The following APLF variants were observed in gnomAD, a reference collection of about 807,000 sequenced individuals.
The protein encoded by APLF is aprataxin and PNKP like factor, also known as aprataxin and PNK-like factor.
A neutral mutation model predicts 55.6 loss-of-function variants in APLF; 61 were observed. That is an observed-to-expected ratio of 1.10 (90% CI 0.89 to 1.36). APLF has a LOEUF of 1.36. Ranked by LOEUF, APLF falls within the 40% of genes most tolerant of loss-of-function variation. APLF has a pLI of 0.00. For synonymous variants in APLF, 207 were observed against 214.8 expected (o/e 0.96, Z 0.32); for missense variants, 611 against 602.5 (o/e 1.01, Z -0.15).
chr2:68,528,927 T>A lies in APLF; in HGVS notation c.804+2685T>A. The A allele has an allele frequency of 3.9e-6, 6 of 1,521,636 alleles. No individual in the cohort carries two copies. The South Asian group carries it at 7.2e-5, about 18-fold the overall frequency. 94.3% of individuals were successfully genotyped at this position (1,521,636 alleles called of 1,614,324 possible). A position where few individuals can be genotyped will look rare whatever the true frequency, so the allele number is the denominator to read the frequency against. On this transcript the variant is annotated intron_variant, in intron 6 of 9. Transcript: ENST00000303795. ...GAGGTGGAGGCTGCTTCCCCATTGC[T>A]ACAGGGGCCCCTTTTATTGTCCTCC...
chr2:68,500,277 C>T (rs1324118064), intron 2 of APLF, among the ~76,000 whole-genome samples: 2 of 152,098 alleles, frequency 1.3e-5, no homozygotes, highest in African/African-American at 4.8e-5. Flanking sequence ...TTTGGAATCT[C>T]CTGTATTAAC....
Position 68,502,907 on chromosome 2 carries a change from A to T in APLF, c.341+4A>T, listed in dbSNP as rs748785472. ...TGGAAATGCAATGTACCTTAAGGTA[A>T]GTGCCTGATGAAATGAGAGTAAGAA... On this transcript the variant is annotated splice_donor_region_variant and intron_variant, in intron 3 of 9. Transcript: ENST00000303795. 6.3e-7 allele frequency: 1 copy of T among 1,597,066 alleles called. No individual in the cohort carries two copies. Among genetic ancestry groups the T allele is most frequent in the Admixed American group, 1.8e-5 (1 of 55,690 alleles).
intron 6 of APLF, chr2:68,528,236 C>T: frequency 8.3e-7 from 1 of 1,211,792 alleles, no homozygotes; most frequent in South Asian, 1.3e-5. Flanking sequence ...GCCACCATGC[C>T]TGCCCTGCTG....
Position 68,467,612 on chromosome 2 carries a change from C to G in APLF, c.-120C>G, listed in dbSNP as rs529716180. 5 of 833,918 alleles carry G rather than the reference C, an allele frequency of 6.0e-6. No homozygotes were observed. Among genetic ancestry groups the G allele is most frequent in the East Asian group, 6.7e-5 (2 of 29,864 alleles). 51.7% of individuals were successfully genotyped at this position (833,918 alleles called of 1,614,324 possible). ...GAGGACCGGCGCAGCCGCGGGGAGC[C>G]TTTGAGGCCCTCCCTCGGTGTTTTT... On this transcript the variant is annotated 5_prime_UTR_variant, in exon 1 of 10. Transcript: ENST00000303795.
At chr2:68,536,095 A>G (rs548111997) in intron 6 of APLF, among the ~76,000 whole-genome samples, 5 of 152,302 alleles carry the variant, frequency 3.3e-5, no homozygotes, top group South Asian at 4.1e-4. Flanking sequence ...GGATTGCCCA[A>G]TTCTCACTCG....
chr2:68,534,791 C>T lies in APLF; in HGVS notation c.805-3081C>T, dbSNP rs187468315. Among the ~76,000 whole-genome samples the T allele has an allele frequency of 2.0e-5, 3 of 152,298 alleles. No homozygotes were observed. The East Asian group carries it at 5.8e-4, about 29-fold the overall frequency. ...CTCTCTGCCTTTCTCCTACTTCTTC[C>T]AAGTACAGAGCAACTTCCATGTTTC... is the stretch of plus-strand genomic sequence containing the variant. On this transcript the variant is annotated intron_variant, in intron 6 of 9. Transcript: ENST00000303795.
Position 68,529,750 on chromosome 2 carries a change from C to T in APLF, c.804+3508C>T, listed in dbSNP as rs1486739912. 2.0e-5 allele frequency: 3 copies of T among 153,300 alleles called. No homozygotes were observed. The highest frequency in any genetic ancestry group is 4.4e-5 in the Non-Finnish European group (3 of 68,960). The allele number at this position is 153,300 out of a possible 1,614,324, so 9.5% of individuals were successfully genotyped here. On this transcript the variant is annotated intron_variant, in intron 6 of 9. Coordinates refer to ENST00000303795, the MANE Select transcript of APLF (RefSeq NM_173545.3). The surrounding 1 kb of genome is among the most constrained non-coding windows in gnomAD (Gnocchi z 4.4). ...GCAGGTGTGTGGCCCTGGATGGGCC[C>T]CCCGTGGGGCTGTTGGGGGTGTGGG...
At chr2:68,575,329 A>G (rs1671592191) in intron 9 of APLF, among the ~76,000 whole-genome samples, 2 of 152,202 alleles carry the variant, frequency 1.3e-5, no homozygotes, top group South Asian at 4.1e-4. Flanking sequence ...AGCAAATAGA[A>G]TTGGAACAGT....
rs1670149628 is a variant in APLF, at chr2:68,528,536, C to G, written c.804+2294C>G. ...GGCAGCTCTGGGTGGAGAAGACCTA[C>G]TTGATCCAAGAGCTGCAGGATCCTT... On this transcript the variant is annotated intron_variant, in intron 6 of 9. Coordinates refer to ENST00000303795, the MANE Select transcript of APLF (RefSeq NM_173545.3). 9.8e-6 allele frequency: 15 copies of G among 1,533,986 alleles called. No homozygotes were observed. The East Asian group carries it at 3.7e-4, about 37-fold the overall frequency.
intron 7 of APLF, among the ~76,000 whole-genome samples, chr2:68,543,333 C>T (rs957169900): frequency 2.6e-5 from 4 of 152,044 alleles, no homozygotes; most frequent in Admixed American, 2.0e-4. Flanking sequence ...TTTTATGTTA[C>T]GTATATATTC....
Position 68,476,149 on chromosome 2 carries a change from A to G in APLF, c.96+8322A>G, listed in dbSNP as rs576115848. On this transcript the variant is annotated intron_variant, in intron 1 of 9. Coordinates refer to ENST00000303795, the MANE Select transcript of APLF (RefSeq NM_173545.3). ...AAATTGTGAAGTATTGTGTAAAGTA[A>G]TGTTTTTTGTGTGTATTATGCTCTT... Among the ~76,000 whole-genome samples, 13 of 152,054 alleles carry G rather than the reference A, an allele frequency of 8.5e-5. No homozygotes were observed. In the East Asian group the frequency reaches 2.5e-3, roughly 29 times the overall value.
intron 5 of APLF, among the ~76,000 whole-genome samples, chr2:68,524,984 C>T (rs185004878): frequency 4.3e-4 from 66 of 152,256 alleles, no homozygotes; most frequent in South Asian, 1.9e-3. Context: ...TTTACTTTAT[C>T]AGCAAAGTCT....
rs926196116 is a variant in APLF at position 68,513,222 on chromosome 2, A to G, written c.484A>G (p.Ser162Gly). ...CAAGACCCAGATGACTCCCACAAAT[A>G]GTGTGGTGAGAAATTTGATATCTCA... ...IAKTQMTPTN[S>G]VSFLGENRDC... Residue 162 changes from serine (S) to glycine (G), a missense_variant, in exon 4 of 10, where the codon AGT becomes GGT. By Grantham distance (56) the Ser-to-Gly change is moderately conservative. Transcript: ENST00000303795. 3 of 1,598,952 alleles carry G rather than the reference A, an allele frequency of 1.9e-6. No homozygotes were observed. Among genetic ancestry groups the G allele is most frequent in the Admixed American group, 1.8e-5 (1 of 55,894 alleles).
Position 68,570,653 on chromosome 2 carries a change from A to C in APLF, c.1333+3266A>C, listed in dbSNP as rs1671433722. Reference sequence around the variant, plus strand: ...CTTTTTTATGGCTGCATAGTATTCCACGGTGTATATGTGCCACATTTTCTT... The same window carrying C: ...CTTTTTTATGGCTGCATAGTATTCCCCGGTGTATATGTGCCACATTTTCTT... On this transcript the variant is annotated intron_variant, in intron 9 of 9. Coordinates refer to ENST00000303795, the MANE Select transcript of APLF (RefSeq NM_173545.3). Among the ~76,000 whole-genome samples the C allele has an allele frequency of 4.6e-5, 7 of 152,252 alleles. No individual in the cohort carries two copies. In the South Asian group the frequency reaches 1.5e-3, roughly 32 times the overall value.
At chr2:68,510,614 C>T (rs1677019999) in intron 3 of APLF, among the ~76,000 whole-genome samples, 1 of 151,800 alleles carries the variant, frequency 6.6e-6, no homozygotes, top group Non-Finnish European at 1.5e-5. Context: ...CATATTCTGG[C>T]AGTTCCTCAA....
chr2:68,526,279 G>A (rs1479538567), intron 6 of APLF, 37 bp downstream of exon 6: 2 of 1,576,444 alleles, frequency 1.3e-6, no homozygotes, highest in Admixed American at 1.8e-5. Flanking sequence ...TTGTTTTTTT[G>A]TTAGGTGTTT....
intron 8 of APLF, among the ~76,000 whole-genome samples, chr2:68,551,152 A>G (rs1451252829): frequency 6.6e-6 from 1 of 152,016 alleles, no homozygotes; most frequent in Admixed American, 6.6e-5. Context: ...CTTTTCTTTT[A>G]TCATTTATGT....
chr2:68,474,371 C>G (rs1675708230), intron 1 of APLF, among the ~76,000 whole-genome samples: 1 of 152,136 alleles, frequency 6.6e-6, no homozygotes, highest in African/African-American at 2.4e-5. Context: ...TTCTCTATAC[C>G]TTGGTCTTTC....
chr2:68,561,313 A>G (rs1385210607), intron 8 of APLF, among the ~76,000 whole-genome samples: 1 of 152,120 alleles, frequency 6.6e-6, no homozygotes, highest in Non-Finnish European at 1.5e-5. Flanking sequence ...TGTAACTTGT[A>G]CAACCAATAA....
Sources: allele counts gnomAD v4.1 joint callset (sites outside exome capture counted in the v4.1 genomes callset), GRCh38; gene constraint gnomAD v4.1.1; non-coding constraint Gnocchi (gnomAD v3.1); transcripts MANE v1.5; gene names NCBI Gene and HGNC (gene_info 2026-07-23, HGNC 2026-07-21).